Variants in SEPTIN9 observed in about 807,000 individuals in gnomAD.
SEPTIN9 encodes septin-9.
In SEPTIN9, 13 loss-of-function variants were observed where a neutral mutation model predicts 56.6. The observed-to-expected ratio is 0.23, with a 90% CI of 0.15 to 0.37. SEPTIN9 has a LOEUF of 0.37. Among genes scored for constraint, SEPTIN9 ranks in the 10% least tolerant of loss-of-function variants. The pLI, the probability that SEPTIN9 is intolerant of heterozygous loss-of-function variation, is 1.00. For synonymous variants in SEPTIN9, 332 were observed against 334.1 expected, an observed-to-expected ratio of 0.99 and a Z score of 0.07; for missense variants, 650 against 823.1, an observed-to-expected ratio of 0.79 and a Z score of 2.57.
intron 3 of SEPTIN9, among the ~76,000 whole-genome samples, chr17:77,465,482 C>T (rs2038672947): frequency 6.6e-6 from 1 of 152,194 alleles, no homozygotes; most frequent in Admixed American, 6.5e-5. Flanking sequence ...AGCCATTTCT[C>T]TGTGCTGTGC....
In SEPTIN9 at chr17:77,429,158, A is replaced by G. The variant is rs1470943199; in HGVS notation, c.721+26455A>G. The G allele has an allele frequency of 4.4e-5, 21 of 471,928 alleles. No homozygotes were observed. The Admixed American group carries it at 4.9e-4, about 11-fold the overall frequency. The allele number at this position is 471,928 out of a possible 1,614,324, so 29.2% of individuals were successfully genotyped here. ...GGTGGGGACTTGGGGGTGTGTCTGC[A>G]GCTCCTGAGGCCAAGACCAAGGCTG... is the stretch of plus-strand genomic sequence containing the variant. On this transcript the variant is annotated intron_variant, in intron 3 of 11. Coordinates refer to ENST00000427177, the MANE Select transcript of SEPTIN9 (RefSeq NM_001113491.2). The surrounding 1 kb of genome is among the most constrained non-coding windows in gnomAD (Gnocchi z 5.2).
rs1364746272 is a variant in SEPTIN9, at chr17:77,436,498, G to A, written c.721+33795G>A. On this transcript the variant is annotated intron_variant, in intron 3 of 11. Transcript: ENST00000427177. The surrounding 1 kb of genome is among the most constrained non-coding windows in gnomAD (Gnocchi z 4.4). The stretch of plus-strand genomic sequence containing the variant: ...GGGGCGGGGCTGGAGCCAGCGGGGT[G>A]GGGGTATCCAGCAAGAGCTCCTTCC... Among the ~76,000 whole-genome samples the A allele has an allele frequency of 6.6e-6, 1 of 152,210 alleles. No individual in the cohort carries two copies. Among genetic ancestry groups the A allele is most frequent in the African/African-American group, 2.4e-5 (1 of 41,442 alleles).
intron 1 of SEPTIN9, among the ~76,000 whole-genome samples, chr17:77,299,119 G>C: frequency 6.6e-6 from 1 of 152,192 alleles, no homozygotes; most frequent in East Asian, 1.9e-4. Flanking sequence ...CTCAGGAGAA[G>C]GGCAGTCCTG....
At chr17:77,488,633 A>G in intron 6 of SEPTIN9, 94 bp from the exon 7 acceptor site, 1 of 1,530,848 alleles carries the variant, frequency 6.5e-7, no homozygotes, top group South Asian at 1.1e-5. Flanking sequence ...TTTCATTGGA[A>G]GGTGGGGTGT....
Position 77,319,774 on chromosome 17 carries a change from G to T in SEPTIN9, c.76+12577G>T, listed in dbSNP as rs935451839. ...GCATCGCGGGACAGGGAAAATGAAA[G>T]ACTTTGGAAGTCGTCAGGAATTTGA... is the stretch of plus-strand genomic sequence containing the variant. On this transcript the variant is annotated intron_variant, in intron 2 of 11. Coordinates refer to ENST00000427177, the MANE Select transcript of SEPTIN9 (RefSeq NM_001113491.2). The surrounding 1 kb of genome is among the most constrained non-coding windows in gnomAD (Gnocchi z 5.3). 1 of 1,072,838 alleles carries T rather than the reference G, an allele frequency of 9.3e-7. No homozygotes were observed. The highest frequency in any genetic ancestry group is 1.6e-5 in the African/African-American group (1 of 61,134). The allele number at this position is 1,072,838 out of a possible 1,614,324, so 66.5% of individuals were successfully genotyped here. A position where few individuals can be genotyped will look rare whatever the true frequency, so the allele number is the denominator to read the frequency against.
chr17:77,473,483 T>C (rs1462490451), intron 3 of SEPTIN9, among the ~76,000 whole-genome samples: 1 of 152,196 alleles, frequency 6.6e-6, no homozygotes, highest in Non-Finnish European at 1.5e-5. Context: ...TCCTCCCGCC[T>C]CGGCCTCCCA....
chr17:77,405,165 A>T lies in SEPTIN9; in HGVS notation c.721+2462A>T. ...GGTAGGGGGATGTCCATGGGGATGTACAAGAACATTCTCCTCCAGGGGCAG... is the reference window on the plus strand; with the variant it reads ...GGTAGGGGGATGTCCATGGGGATGTTCAAGAACATTCTCCTCCAGGGGCAG... On this transcript the variant is annotated intron_variant, in intron 3 of 11. Transcript: ENST00000427177. This position sits in a 1 kb window ranked among gnomAD's most constrained non-coding sequence, Gnocchi z 5.8. 6.6e-7 allele frequency: 1 copy of T among 1,521,192 alleles called. No individual in the cohort carries two copies. The highest frequency in any genetic ancestry group is 1.2e-5 in the South Asian group (1 of 83,714). 94.2% of individuals were successfully genotyped at this position (1,521,192 alleles called of 1,614,324 possible). A position where few individuals can be genotyped will look rare whatever the true frequency, so the allele number is the denominator to read the frequency against.
At chr17:77,412,129 C>CAAAAAAA (rs756030644) in intron 3 of SEPTIN9, among the ~76,000 whole-genome samples, 1 of 67,396 alleles carries the variant, frequency 1.5e-5, no homozygotes, top group Non-Finnish European at 3.4e-5. Flanking sequence ...GACTCCCTAT[C>CAAAAAAA]AAAAAAAAAA....
chr17:77,443,464 G>C (rs1033751804), intron 3 of SEPTIN9, among the ~76,000 whole-genome samples: 4 of 152,118 alleles, frequency 2.6e-5, no homozygotes, highest in African/African-American at 9.7e-5. Flanking sequence ...AAAACACACT[G>C]TTGGTATAAT....
intron 2 of SEPTIN9, among the ~76,000 whole-genome samples, chr17:77,362,526 T>C (rs552491329): frequency 6.6e-6 from 1 of 152,334 alleles, no homozygotes. Flanking sequence ...CTAATTTATT[T>C]TGTTCCCTTA....
Position 77,498,677 on chromosome 17 carries a change from C to CCGGGGG in SEPTIN9, c.*23_*24insGGCGGG. 1 of 1,521,666 alleles carries CCGGGGG rather than the reference C, an allele frequency of 6.6e-7. No individual in the cohort carries two copies. Among genetic ancestry groups the CCGGGGG allele is most frequent in the East Asian group, 2.4e-5 (1 of 41,424 alleles). The allele number at this position is 1,521,666 out of a possible 1,614,324, so 94.3% of individuals were successfully genotyped here. The stretch of plus-strand genomic sequence containing the variant: ...GATGTAGACGCCACCCTGCCCACCC[C>CCGGGGG]CGGGATCCTGCCCCCAAGTCATTTC... On this transcript the variant is annotated 3_prime_UTR_variant, in exon 12 of 12. Coordinates refer to ENST00000427177, the MANE Select transcript of SEPTIN9 (RefSeq NM_001113491.2).
chr17:77,415,627 C>CAAAAAAA (rs772446190), intron 3 of SEPTIN9, among the ~76,000 whole-genome samples: 2 of 63,182 alleles, frequency 3.2e-5, no homozygotes, highest in Non-Finnish European at 6.7e-5. Flanking sequence ...GACTATGTCT[C>CAAAAAAA]AAAAAAAAAA....
chr17:77,373,428 A>AGGGCCC, intron 2 of SEPTIN9: 1 of 1,368,766 alleles, frequency 7.3e-7, no homozygotes, highest in Non-Finnish European at 9.5e-7. Context: ...GCCAGCGCGC[A>AGGGCCC]GGGCCCGGGC....
At chr17:77,350,108 G>A (rs2143798795) in intron 2 of SEPTIN9, among the ~76,000 whole-genome samples, 1 of 152,358 alleles carries the variant, frequency 6.6e-6, no homozygotes, top group East Asian at 1.9e-4. Flanking sequence ...AGGAGTTATG[G>A]CTGTTTCAGG....
rs1282493679 is a variant in SEPTIN9 at position 77,456,196 on chromosome 17, CG to C, written c.722-25945del. Among the ~76,000 whole-genome samples the C allele has an allele frequency of 3.7e-4, 5 of 13,626 alleles. No individual in the cohort carries two copies. The highest frequency in any genetic ancestry group is 9.3e-4 in the African/African-American group (3 of 3,212). 8.9% of individuals were successfully genotyped at this position (13,626 alleles called of 152,430 possible). A position where few individuals can be genotyped will look rare whatever the true frequency, so the allele number is the denominator to read the frequency against. On this transcript the variant is annotated intron_variant, in intron 3 of 11. Transcript: ENST00000427177. The surrounding 1 kb of genome is among the most constrained non-coding windows in gnomAD (Gnocchi z 6.0). ...TCGCTGCTGTCTGTAGCTGGGGGGC[CG>C]GGTGGGTGGGAGCCGAGGCCAGGGA...
At chr17:77,382,595 C>G (rs2035183720) in intron 2 of SEPTIN9, among the ~76,000 whole-genome samples, 1 of 152,206 alleles carries the variant, frequency 6.6e-6, no homozygotes, top group Non-Finnish European at 1.5e-5. Context: ...TGAAATAACC[C>G]AGGTGGGAGA....
At chr17:77,474,477 C>T (rs1038266650) in intron 3 of SEPTIN9, among the ~76,000 whole-genome samples, 5 of 152,220 alleles carry the variant, frequency 3.3e-5, no homozygotes, top group Non-Finnish European at 7.3e-5. Context: ...GCAACTTTCC[C>T]TGGCTGGCGG....
chr17:77,333,427 G>C (rs1215907244), intron 2 of SEPTIN9, among the ~76,000 whole-genome samples: 1 of 152,112 alleles, frequency 6.6e-6, no homozygotes, highest in Admixed American at 6.6e-5. Flanking sequence ...AGGTCTCGCT[G>C]TATTGCCCAA....
intron 3 of SEPTIN9, among the ~76,000 whole-genome samples, chr17:77,452,806 C>T (rs764726396): frequency 4.6e-5 from 7 of 151,078 alleles, no homozygotes; most frequent in Non-Finnish European, 1.0e-4. Context: ...TTCTCTTTGG[C>T]CAACTCCCCC....
Sources: gnomAD v4.1 joint callset for allele counts (sites outside exome capture counted in the v4.1 genomes callset) on GRCh38, gnomAD v4.1.1 for gene constraint, Gnocchi (gnomAD v3.1) non-coding constraint, MANE v1.5 for transcripts, NCBI Gene and HGNC (gene_info 2026-07-23, HGNC 2026-07-21) for gene names.